GRIK3: variants seen among roughly 807,000 people sequenced by gnomAD.
GRIK3 encodes the protein glutamate receptor ionotropic, kainate 3.
GRIK3 carries 29 observed loss-of-function variants against 102.5 expected under a neutral mutation model. That is an observed-to-expected ratio of 0.28 (90% CI 0.21 to 0.39). GRIK3 has a LOEUF of 0.39. Among genes scored for constraint, GRIK3 ranks in the 10% least tolerant of loss-of-function variants. The pLI is 1.00. For missense variants in GRIK3, 908 were observed against 1,252.4 expected (o/e 0.73, Z 4.15); for synonymous variants, 511 against 504.9 (o/e 1.01, Z -0.16).
At chr1:36,916,669 C>CAGCA (rs1641405265) in intron 1 of GRIK3, among the ~76,000 whole-genome samples, 1 of 152,214 alleles carries the variant, frequency 6.6e-6, no homozygotes, top group Admixed American at 6.5e-5. Context: ...CCCCAAGCCT[C>CAGCA]AGCAGCTTCC....
intron 1 of GRIK3, among the ~76,000 whole-genome samples, chr1:36,953,464 A>G (rs1641868714): frequency 6.6e-6 from 1 of 152,166 alleles, no homozygotes; most frequent in African/African-American, 2.4e-5. Flanking sequence ...GGAGAGTGCC[A>G]TGATCAAAAT....
At chr1:36,840,237 G>A (rs1640430396) in intron 10 of GRIK3, among the ~76,000 whole-genome samples, 1 of 151,786 alleles carries the variant, frequency 6.6e-6, no homozygotes, top group South Asian at 2.1e-4. Flanking sequence ...AGGAATCTAA[G>A]GGGTCCAGTA....
At chr1:36,866,427 C>A (rs1640786077) in intron 5 of GRIK3, among the ~76,000 whole-genome samples, 1 of 152,236 alleles carries the variant, frequency 6.6e-6, no homozygotes, top group Admixed American at 6.5e-5. Flanking sequence ...TCCTTTCTTG[C>A]AGAGTGACTT....
chr1:36,957,417 TGCCCC>T (rs1641926360), intron 1 of GRIK3, among the ~76,000 whole-genome samples: 1 of 144,212 alleles, frequency 6.9e-6, no homozygotes, highest in Non-Finnish European at 1.5e-5. Context: ...TGAGCCTGTG[TGCCCC>T]ATGAGCCTCT....
intron 1 of GRIK3, among the ~76,000 whole-genome samples, chr1:36,966,701 T>C (rs6696596): frequency 0.032 from 4,806 of 151,922 alleles, 140 homozygotes; most frequent in African/African-American, 0.08. Flanking sequence ...GAATCCTTGA[T>C]GGATTTAATC....
intron 1 of GRIK3, among the ~76,000 whole-genome samples, chr1:36,970,412 T>C (rs568749686): frequency 4.7e-4 from 71 of 152,300 alleles, no homozygotes; most frequent in Non-Finnish European, 9.4e-4. Context: ...ATTTCTAGCC[T>C]TTCTCTCATT....
chr1:36,798,089 C>T lies in GRIK3; in HGVS notation c.*3762G>A, dbSNP rs1642389100. 1 of 152,366 alleles carries T rather than the reference C, an allele frequency of 6.6e-6. No homozygotes were observed. The highest frequency in any genetic ancestry group is 2.4e-5 in the African/African-American group (1 of 41,460). The allele number at this position is 152,366 out of a possible 1,614,324, so 9.4% of individuals were successfully genotyped here. ...AGGGGGCGTCACCCCTCGCGAGAGA[C>T]TCTTGCAGCATGGGGCCACTTGAAC... On this transcript the variant is annotated 3_prime_UTR_variant, in exon 16 of 16. Coordinates refer to ENST00000373091, the MANE Select transcript of GRIK3 (RefSeq NM_000831.4).
At chr1:36,839,526 T>A (rs534460649) in intron 10 of GRIK3, among the ~76,000 whole-genome samples, 1 of 152,134 alleles carries the variant, frequency 6.6e-6, no homozygotes, top group Admixed American at 6.5e-5. Flanking sequence ...CTCCCCAGCC[T>A]CCAAGGAATA....
chr1:36,867,093 C>T (rs1239526045), intron 5 of GRIK3, among the ~76,000 whole-genome samples: 1 of 152,192 alleles, frequency 6.6e-6, no homozygotes, highest in Non-Finnish European at 1.5e-5. Flanking sequence ...TATATGGCTG[C>T]TGGATAAATG....
intron 7 of GRIK3, among the ~76,000 whole-genome samples, 174 bp downstream of exon 7, chr1:36,858,934 T>C (rs1320897823): frequency 6.6e-6 from 1 of 152,176 alleles, no homozygotes; most frequent in Non-Finnish European, 1.5e-5. Context: ...TGCCATAAGT[T>C]TGGTCCTATG....
chr1:36,915,646 C>T (rs1641391035), intron 1 of GRIK3, among the ~76,000 whole-genome samples: 1 of 152,008 alleles, frequency 6.6e-6, no homozygotes, highest in Non-Finnish European at 1.5e-5. Flanking sequence ...GTGCTGTTTT[C>T]ATGGTTGTGA....
chr1:36,882,813 CAA>C (rs1406629773), intron 2 of GRIK3, among the ~76,000 whole-genome samples: 1 of 152,156 alleles, frequency 6.6e-6, no homozygotes, highest in Non-Finnish European at 1.5e-5. Flanking sequence ...TGAGCAGAGC[CAA>C]GAGAGAGAAA....
chr1:36,867,024 A>C (rs763009924), intron 5 of GRIK3, among the ~76,000 whole-genome samples: 1 of 152,204 alleles, frequency 6.6e-6, no homozygotes, highest in African/African-American at 2.4e-5. Context: ...GAATCCATCT[A>C]TGTACACCCC....
At chr1:36,844,435 G>A (rs1254756136) in intron 9 of GRIK3, among the ~76,000 whole-genome samples, 1 of 152,212 alleles carries the variant, frequency 6.6e-6, no homozygotes. Flanking sequence ...ATTCATCTCT[G>A]GGCAATGCTC....
At chr1:36,826,747 C>T (rs1005978606) in intron 10 of GRIK3, among the ~76,000 whole-genome samples, 22 of 150,962 alleles carry the variant, frequency 1.5e-4, no homozygotes, top group Admixed American at 5.3e-4. Context: ...GGAGGTGGTG[C>T]GGAGTGGAAA....
chr1:36,942,502 C>G (rs1351665040), intron 1 of GRIK3, among the ~76,000 whole-genome samples: 1 of 152,170 alleles, frequency 6.6e-6, no homozygotes, highest in African/African-American at 2.4e-5. Flanking sequence ...AGAGCTCAAG[C>G]TAGAAGGAGC....
rs577694246 is a variant in GRIK3, at chr1:36,938,267, G to A, written c.116-47171C>T. Among the ~76,000 whole-genome samples, 8 of 152,320 alleles carry A rather than the reference G, an allele frequency of 5.3e-5. No individual in the cohort carries two copies. In the South Asian group the frequency reaches 1.7e-3, roughly 32 times the overall value. ...CTGCAGGTGACTCCAACCCAGACCA[G>A]GCAGAGAGAGAGGATGGAGGAGGTA... is the stretch of plus-strand genomic sequence containing the variant. On this transcript the variant is annotated intron_variant, in intron 1 of 15. Coordinates refer to ENST00000373091, the MANE Select transcript of GRIK3 (RefSeq NM_000831.4).
intron 1 of GRIK3, among the ~76,000 whole-genome samples, chr1:36,917,051 T>C (rs1641409444): frequency 6.6e-6 from 1 of 152,168 alleles, no homozygotes; most frequent in East Asian, 1.9e-4. Flanking sequence ...GGGGTGGAGC[T>C]GCCAACGACC....
intron 1 of GRIK3, among the ~76,000 whole-genome samples, chr1:36,892,008 T>TTTTATTTA (rs541642218): frequency 1.2e-3 from 188 of 151,998 alleles, no homozygotes; most frequent in African/African-American, 4.3e-3. Context: ...GCAGTTCCAG[T>TTTTATTTA]TTTATTTATT....
Sources: gnomAD v4.1 joint callset for allele counts (sites outside exome capture counted in the v4.1 genomes callset) on GRCh38, gnomAD v4.1.1 for gene constraint, MANE v1.5 for transcripts, NCBI Gene and HGNC (gene_info 2026-07-23, HGNC 2026-07-21) for gene names.